FGF18: variants seen among roughly 807,000 people sequenced by gnomAD.
FGF18 encodes fibroblast growth factor 18.
In FGF18, 5 loss-of-function variants were observed where a neutral mutation model predicts 23.0. The observed-to-expected ratio is 0.22, with a 90% CI of 0.11 to 0.46. The LOEUF is 0.46. Ranked by LOEUF, FGF18 falls within the 20% of genes least tolerant of loss-of-function variation. The probability of loss-of-function intolerance (pLI) is 0.99; values close to 1 mark genes in which losing one functional copy is unlikely to be tolerated. For missense variants in FGF18, 180 were observed against 291.6 expected, an observed-to-expected ratio of 0.62 and a Z score of 2.79; for synonymous variants, 117 against 118.9, an observed-to-expected ratio of 0.98 and a Z score of 0.10.
In FGF18 at chr5:171,434,875, C is replaced by T. The variant is rs1001757300; in HGVS notation, c.70-1218C>T. Among the ~76,000 whole-genome samples the T allele has an allele frequency of 6.7e-6, 1 of 149,276 alleles. No homozygotes were observed. Among genetic ancestry groups the T allele is most frequent in the African/African-American group, 2.5e-5 (1 of 40,254 alleles). The stretch of plus-strand genomic sequence containing the variant: ...CCAAAAGACAAAACCCAGATAAGTG[C>T]TGGAAAGAAGCGCAAAGCATGGTTG... On this transcript the variant is annotated intron_variant, in intron 2 of 4. Transcript: ENST00000274625. The surrounding 1 kb of genome is among the most constrained non-coding windows in gnomAD (Gnocchi z 4.6).
In FGF18 at chr5:171,443,500, CATTTTTTT is replaced by C. The variant is rs1367034810; in HGVS notation, c.251-5646_251-5639del. Among the ~76,000 whole-genome samples the C allele has an allele frequency of 1.6e-4, 11 of 70,416 alleles. 1 individual carries two copies. Among genetic ancestry groups the C allele is most frequent in the South Asian group, 5.8e-4 (1 of 1,730 alleles). 46.2% of individuals were successfully genotyped at this position (70,416 alleles called of 152,430 possible). A position where few individuals can be genotyped will look rare whatever the true frequency, so the allele number is the denominator to read the frequency against. On this transcript the variant is annotated intron_variant, in intron 3 of 4. Coordinates refer to ENST00000274625, the MANE Select transcript of FGF18 (RefSeq NM_003862.3). The stretch of plus-strand genomic sequence containing the variant: ...TCAGATAAGTATTCACTGTTATCAT[CATTTTTTT>C]TTTTTTTTTTTTTTTTTTTTTTTTA...
At position 171,434,155 on chromosome 5, in the gene FGF18, A is replaced by C. The variant is rs1198335944; in HGVS notation, c.70-1938A>C. On this transcript the variant is annotated intron_variant, in intron 2 of 4. Coordinates refer to ENST00000274625, the MANE Select transcript of FGF18 (RefSeq NM_003862.3). This position sits in a 1 kb window ranked among gnomAD's most constrained non-coding sequence, Gnocchi z 4.6. ...AAGGCAGTGGCCTGGGGCTGCCCGC[A>C]GGGGTGGGGCACAGGAAACACAGTC... Among the ~76,000 whole-genome samples the C allele has an allele frequency of 1.3e-5, 2 of 152,182 alleles. No homozygotes were observed. The highest frequency in any genetic ancestry group is 2.9e-5 in the Non-Finnish European group (2 of 68,028).
Position 171,457,420 on chromosome 5 carries a change from C to T in FGF18, c.*615C>T, listed in dbSNP as rs1035521164. On this transcript the variant is annotated 3_prime_UTR_variant, in exon 5 of 5. Transcript: ENST00000274625. ...CCAATCATGGTGACCCTGCCTTGCTCGCAGTTCTGGAGGATGCTGCTATCG... is the reference window on the plus strand; with the variant it reads ...CCAATCATGGTGACCCTGCCTTGCTTGCAGTTCTGGAGGATGCTGCTATCG... 6.6e-6 allele frequency: 1 copy of T among 152,412 alleles called. No homozygotes were observed. Among genetic ancestry groups the T allele is most frequent in the African/African-American group, 2.4e-5 (1 of 41,488 alleles). The allele number at this position is 152,412 out of a possible 1,614,324, so 9.4% of individuals were successfully genotyped here. A position where few individuals can be genotyped will look rare whatever the true frequency, so the allele number is the denominator to read the frequency against.
rs770070244 is a variant in FGF18, at chr5:171,420,164, C to T, written c.-36C>T. 3.9e-6 allele frequency: 6 copies of T among 1,530,042 alleles called. No individual in the cohort carries two copies. The highest frequency in any genetic ancestry group is 5.2e-6 in the Non-Finnish European group (6 of 1,143,694). The allele number at this position is 1,530,042 out of a possible 1,614,324, so 94.8% of individuals were successfully genotyped here. On this transcript the variant is annotated 5_prime_UTR_variant, in exon 1 of 5. Transcript: ENST00000274625. ...GCCGCGCGGAGCGGACATGTGCAGG[C>T]TGGGCTAGGAGCCGCCGCCTCCCTC...
intron 2 of FGF18, among the ~76,000 whole-genome samples, chr5:171,432,319 C>A (rs912476429): frequency 1.3e-5 from 2 of 152,180 alleles, no homozygotes; most frequent in Non-Finnish European, 2.9e-5. Context: ...AACTGGTGCT[C>A]ACCTCCACGG....
At chr5:171,435,980 GCTC>G (rs2113344041) in intron 2 of FGF18, 110 bp from the exon 3 acceptor site, 1 of 830,166 alleles carries the variant, frequency 1.2e-6, no homozygotes, top group African/African-American at 1.8e-5. Context: ...CCACGGCCTG[GCTC>G]AGAGCCGGTG....
intron 3 of FGF18, among the ~76,000 whole-genome samples, chr5:171,437,874 T>C (rs948915413): frequency 6.6e-6 from 1 of 152,048 alleles, no homozygotes; most frequent in Non-Finnish European, 1.5e-5. Context: ...GAACCATCTG[T>C]CCACGCCCTG....
chr5:171,448,774 A>T (rs1472596712), intron 3 of FGF18, among the ~76,000 whole-genome samples: 1 of 151,602 alleles, frequency 6.6e-6, no homozygotes, highest in African/African-American at 2.4e-5. Flanking sequence ...TGTTTGGTGG[A>T]ATAGAGTTGA....
intron 3 of FGF18, 72 bp from the exon 4 acceptor site, chr5:171,449,075 T>C: frequency 1.8e-6 from 2 of 1,131,830 alleles, no homozygotes. Flanking sequence ...AGGGACCATG[T>C]CACTGAGCCT....
Position 171,430,812 on chromosome 5 carries a change from AAAAAG to A in FGF18, c.70-5276_70-5272del, listed in dbSNP as rs1561885489. Among the ~76,000 whole-genome samples the A allele has an allele frequency of 1.1e-4, 11 of 102,270 alleles. 1 individual carries two copies. The highest frequency in any genetic ancestry group is 1.6e-4 in the Non-Finnish European group (7 of 45,128). 67.1% of individuals were successfully genotyped at this position (102,270 alleles called of 152,430 possible). ...TCCGTCTCAAAAAAAAAAAAAAAAA[AAAAAG>A]AAAAAAGAGTAATGATTGTTACTAA... On this transcript the variant is annotated intron_variant, in intron 2 of 4. Transcript: ENST00000274625.
chr5:171,433,663 A>G (rs1463321598), intron 2 of FGF18, among the ~76,000 whole-genome samples: 1 of 152,156 alleles, frequency 6.6e-6, no homozygotes, highest in Non-Finnish European at 1.5e-5. Flanking sequence ...GAGGAGGCAC[A>G]CATGGTGGGC....
chr5:171,427,587 C>G (rs1291155467), intron 2 of FGF18, among the ~76,000 whole-genome samples: 1 of 152,204 alleles, frequency 6.6e-6, no homozygotes, highest in Non-Finnish European at 1.5e-5. Context: ...TCCCACTCCC[C>G]TGGCCTGTTG....
Position 171,420,167 on chromosome 5 carries a change from G to T in FGF18, c.-33G>T, listed in dbSNP as rs1771981148. 4 of 1,533,842 alleles carry T rather than the reference G, an allele frequency of 2.6e-6. No individual in the cohort carries two copies. In the East Asian group the frequency reaches 9.8e-5, roughly 38 times the overall value. On this transcript the variant is annotated 5_prime_UTR_variant, in exon 1 of 5. Coordinates refer to ENST00000274625, the MANE Select transcript of FGF18 (RefSeq NM_003862.3). ...GCGCGGAGCGGACATGTGCAGGCTG[G>T]GCTAGGAGCCGCCGCCTCCCTCCCG...
chr5:171,437,377 G>T (rs1380937238), intron 3 of FGF18, among the ~76,000 whole-genome samples: 1 of 152,200 alleles, frequency 6.6e-6, no homozygotes, highest in Non-Finnish European at 1.5e-5. Flanking sequence ...CACCGTCACT[G>T]GGGGCTGGGC....
chr5:171,427,013 A>T (rs1012667005), intron 2 of FGF18, among the ~76,000 whole-genome samples: 5 of 152,162 alleles, frequency 3.3e-5, no homozygotes, highest in African/African-American at 1.2e-4. Flanking sequence ...GTTTGAGACC[A>T]GCCTGGCCAA....
chr5:171,454,509 G>A (rs534540873), intron 4 of FGF18, among the ~76,000 whole-genome samples: 3 of 152,094 alleles, frequency 2.0e-5, no homozygotes, highest in Non-Finnish European at 4.4e-5. Flanking sequence ...TGGGTCCCAC[G>A]TGTGTGTCCC....
chr5:171,432,507 C>T (rs1772195209), intron 2 of FGF18, among the ~76,000 whole-genome samples: 1 of 152,152 alleles, frequency 6.6e-6, no homozygotes. Flanking sequence ...CTCCCAGTTT[C>T]AAGTGATTCT....
rs1019943420 is a variant in FGF18 at position 171,419,688 on chromosome 5, A to G, written c.-512A>G. ...CACGGCCGGAGAGACGCGGAGGAGG[A>G]GACATGAGCCGGCGGGCGCCCAGAC... On this transcript the variant is annotated 5_prime_UTR_variant, in exon 1 of 5. Transcript: ENST00000274625. 12 of 151,280 alleles carry G rather than the reference A, an allele frequency of 7.9e-5. No individual in the cohort carries two copies. Among genetic ancestry groups the G allele is most frequent in the African/African-American group, 2.9e-4 (12 of 41,224 alleles). The allele number at this position is 151,280 out of a possible 1,614,324, so 9.4% of individuals were successfully genotyped here. A position where few individuals can be genotyped will look rare whatever the true frequency, so the allele number is the denominator to read the frequency against.
chr5:171,420,537 C>A, intron 2 of FGF18, 94 bp downstream of exon 2: 1 of 1,263,106 alleles, frequency 7.9e-7, no homozygotes, highest in East Asian at 2.3e-5. Flanking sequence ...CTGTGCCCCA[C>A]CCCTCCTGGG....
Sources: gnomAD v4.1 joint callset for allele counts (sites outside exome capture counted in the v4.1 genomes callset) on GRCh38, gnomAD v4.1.1 for gene constraint, Gnocchi (gnomAD v3.1) non-coding constraint, MANE v1.5 for transcripts, NCBI Gene and HGNC (gene_info 2026-07-23, HGNC 2026-07-21) for gene names.